The following OR2L3 variants were observed in gnomAD, a reference collection of about 807,000 sequenced individuals.
The protein encoded by OR2L3 is olfactory receptor 2L3.
For synonymous variants in OR2L3, 131 were observed against 139.1 expected, an observed-to-expected ratio of 0.94 and a Z score of 0.41; for missense variants, 369 against 376.6, an observed-to-expected ratio of 0.98 and a Z score of 0.17.
At chr1:248,059,764 G>A (rs760327675) in intron 1 of OR2L3, among the ~76,000 whole-genome samples, 63 of 152,322 alleles carry the variant, frequency 4.1e-4, no homozygotes, top group Non-Finnish European at 6.9e-4. Context: ...ATAAACATGG[G>A]TTGGGTGGGG....
At chr1:248,057,828 G>T (rs1287541276) in intron 1 of OR2L3, among the ~76,000 whole-genome samples, 1 of 152,070 alleles carries the variant, frequency 6.6e-6, no homozygotes, top group Non-Finnish European at 1.5e-5. Context: ...ACAGATTCTG[G>T]TTGTTGATGT....
chr1:248,047,934 G>T (rs1378215558), intron 1 of OR2L3, among the ~76,000 whole-genome samples: 1 of 152,136 alleles, frequency 6.6e-6, no homozygotes, highest in Non-Finnish European at 1.5e-5. Context: ...TCTCCCTGTT[G>T]TAATTATAAG....
At chr1:248,057,804 T>C (rs1663481120) in intron 1 of OR2L3, among the ~76,000 whole-genome samples, 1 of 152,188 alleles carries the variant, frequency 6.6e-6, no homozygotes, top group African/African-American at 2.4e-5. Context: ...TCTTTGTTAG[T>C]GTATAGAATT....
Position 248,060,979 on chromosome 1 carries a change from A to G in OR2L3, c.298A>G (p.Ser100Gly). The change falls in exon 2 of 2, where the codon AGT (serine) becomes GGT (glycine). Residue 100 changes from serine (S) to glycine (G), a missense_variant. Physicochemically the swap from Ser to Gly is moderately conservative, Grantham distance 56. Transcript: ENST00000359959. Reference sequence around the variant, plus strand: ...CTCCTTCACTGGGTGTGGGATTCAGAGTTTCTTCTTCTCGGCATTAGGAGG... The same window carrying G: ...CTCCTTCACTGGGTGTGGGATTCAGGGTTTCTTCTTCTCGGCATTAGGAGG... ...SISFTGCGIQ[S>G]FFFSALGGAE... The G allele has an allele frequency of 6.2e-7, 1 of 1,613,888 alleles. No homozygotes were observed. The highest frequency in any genetic ancestry group is 8.5e-7 in the Non-Finnish European group (1 of 1,179,946).
intron 1 of OR2L3, among the ~76,000 whole-genome samples, chr1:248,051,933 C>A (rs1184053356): frequency 1.3e-5 from 2 of 152,084 alleles, no homozygotes; most frequent in Non-Finnish European, 2.9e-5. Flanking sequence ...AGGAACATAA[C>A]CACATTGTAA....
intron 1 of OR2L3, among the ~76,000 whole-genome samples, chr1:248,050,515 C>G (rs966755165): frequency 6.6e-6 from 1 of 151,898 alleles, no homozygotes; most frequent in African/African-American, 2.4e-5. Context: ...TATTAGAACA[C>G]TGGAACATGG....
chr1:248,056,075 T>A (rs1222623675), intron 1 of OR2L3, among the ~76,000 whole-genome samples: 1 of 152,222 alleles, frequency 6.6e-6, no homozygotes, highest in Non-Finnish European at 1.5e-5. Context: ...CTTTTAGTAT[T>A]CTCTGTTGGT....
chr1:248,061,681 A>C lies in OR2L3; in HGVS notation c.*61A>C. ...CACATCCATCCAGCAGTGTATAGTAATTAAAATATTATTTCAATCCTAGAG... is the reference window on the plus strand; with the variant it reads ...CACATCCATCCAGCAGTGTATAGTACTTAAAATATTATTTCAATCCTAGAG... On this transcript the variant is annotated 3_prime_UTR_variant, in exon 2 of 2. Transcript: ENST00000359959. The C allele has an allele frequency of 7.3e-7, 1 of 1,375,606 alleles. No individual in the cohort carries two copies. The highest frequency in any genetic ancestry group is 2.4e-5 in the East Asian group (1 of 42,002). 85.2% of individuals were successfully genotyped at this position (1,375,606 alleles called of 1,614,324 possible).
At chr1:248,060,557 C>T in intron 1 of OR2L3, 104 bp from the exon 2 acceptor site, 1 of 730,034 alleles carries the variant, frequency 1.4e-6, no homozygotes, top group Non-Finnish European at 2.4e-6. Flanking sequence ...ATATAGGGCT[C>T]AGTGTCAACT....
At chr1:248,054,223 C>T (rs140728456) in intron 1 of OR2L3, among the ~76,000 whole-genome samples, 183 of 152,142 alleles carry the variant, frequency 1.2e-3, no homozygotes, top group African/African-American at 3.9e-3. Flanking sequence ...GAATCTTTTC[C>T]CCGTTGCTTG....
chr1:248,060,933 T>G lies in OR2L3; in HGVS notation c.252T>G (p.Phe84Leu). 6.2e-7 allele frequency: 1 copy of G among 1,614,002 alleles called. No homozygotes were observed. Among genetic ancestry groups the G allele is most frequent in the Non-Finnish European group, 8.5e-7 (1 of 1,179,888 alleles). ...TTGTTCCTAAGATGGCATCTGATTT[T>G]CTGTCTGGTAACAAGTCTATCTCCT... The part of the protein sequence containing the change: ...STIVPKMASD[F>L]LSGNKSISFT... The change falls in exon 2 of 2, where the codon TTT (phenylalanine) becomes TTG (leucine). Residue 84 changes from phenylalanine (F) to leucine (L), a missense_variant. Physicochemically the swap from Phe to Leu is conservative, Grantham distance 22. Coordinates refer to ENST00000359959, the MANE Select transcript of OR2L3 (RefSeq NM_001004687.2).
chr1:248,050,666 A>G (rs1159444636), intron 1 of OR2L3, among the ~76,000 whole-genome samples: 1 of 152,192 alleles, frequency 6.6e-6, no homozygotes, highest in Non-Finnish European at 1.5e-5. Flanking sequence ...AGTTTGTCAT[A>G]GAGAGTCCTA....
At chr1:248,048,191 C>T (rs1000371688) in intron 1 of OR2L3, among the ~76,000 whole-genome samples, 11 of 152,118 alleles carry the variant, frequency 7.2e-5, no homozygotes, top group African/African-American at 2.7e-4. Context: ...CCATCGTGGA[C>T]CTCAATGGCA....
chr1:248,049,477 C>T (rs1663186861), intron 1 of OR2L3, among the ~76,000 whole-genome samples: 1 of 152,104 alleles, frequency 6.6e-6, no homozygotes, highest in Non-Finnish European at 1.5e-5. Context: ...TTTTTTATAA[C>T]TGAATTCTTC....
At position 248,061,610 on chromosome 1, in the gene OR2L3, G is replaced by T. The variant is rs754210959; in HGVS notation, c.929G>T (p.Gly310Val). 158 of 1,610,566 alleles carry T rather than the reference G, an allele frequency of 9.8e-5. No individual in the cohort carries two copies. The Admixed American group carries it at 2.1e-3, about 21-fold the overall frequency. The change falls in exon 2 of 2, where the codon GGG (glycine) becomes GTG (valine). Residue 310 changes from glycine (G) to valine (V), a missense_variant. Physicochemically the swap from Gly to Val is moderately radical, Grantham distance 109. Transcript: ENST00000359959. ...CGAGTGAGTCAGAGAATCTGCTCTG[G>T]GAAAATGTAGAAACATTTTCTACCT... ...LTRVSQRICS[G>V]KM
chr1:248,052,495 G>A (rs563262691), intron 1 of OR2L3, among the ~76,000 whole-genome samples: 1 of 152,074 alleles, frequency 6.6e-6, no homozygotes, highest in Non-Finnish European at 1.5e-5. Flanking sequence ...TTGGGAGGCC[G>A]AGCCGGGCAG....
At chr1:248,048,951 G>A (rs1216358111) in intron 1 of OR2L3, among the ~76,000 whole-genome samples, 3 of 141,042 alleles carry the variant, frequency 2.1e-5, no homozygotes, top group Non-Finnish European at 4.5e-5. Context: ...AAATCCACAC[G>A]TTTTCTGCAC....
At chr1:248,049,612 G>A (rs1663190879) in intron 1 of OR2L3, among the ~76,000 whole-genome samples, 1 of 152,016 alleles carries the variant, frequency 6.6e-6, no homozygotes, top group African/African-American at 2.4e-5. Context: ...AGTAAAACTG[G>A]GTGATACGAG....
chr1:248,047,794 A>C (rs889426212), intron 1 of OR2L3, among the ~76,000 whole-genome samples: 2 of 152,174 alleles, frequency 1.3e-5, no homozygotes, highest in Admixed American at 6.5e-5. Flanking sequence ...TGTAAGTGAT[A>C]GTGATTATGT....
Sources: gnomAD v4.1 joint callset for allele counts (sites outside exome capture counted in the v4.1 genomes callset) on GRCh38, gnomAD v4.1.1 for gene constraint, MANE v1.5 for transcripts, NCBI Gene and HGNC (gene_info 2026-07-23, HGNC 2026-07-21) for gene names.